The following DHRS7B variants were observed in gnomAD, a reference collection of about 807,000 sequenced individuals.
The protein encoded by DHRS7B is peroxisomal reductase activating PPAR-gamma.
DHRS7B carries 24 observed loss-of-function variants against 26.4 expected under a neutral mutation model. That is an observed-to-expected ratio of 0.91 (90% CI 0.66 to 1.28). The LOEUF (loss-of-function observed/expected upper bound fraction) is 1.28, where lower values mean the gene tolerates loss of function less well. Among genes scored for constraint, DHRS7B ranks in the 50% most tolerant of loss-of-function variants. The probability of loss-of-function intolerance (pLI) is 0.00; values close to 1 mark genes in which losing one functional copy is unlikely to be tolerated. For synonymous variants in DHRS7B, 142 were observed against 166.4 expected, an observed-to-expected ratio of 0.85 and a Z score of 1.13; for missense variants, 368 against 419.4, an observed-to-expected ratio of 0.88 and a Z score of 1.07.
At chr17:21,130,462 G>A (rs897421622) in intron 1 of DHRS7B, among the ~76,000 whole-genome samples, 1 of 152,088 alleles carries the variant, frequency 6.6e-6, no homozygotes, top group Non-Finnish European at 1.5e-5. Context: ...GGGGTTCCAG[G>A]CCCTTCAGAA....
chr17:21,164,300 G>T (rs1394203125), intron 1 of DHRS7B, among the ~76,000 whole-genome samples: 7 of 152,034 alleles, frequency 4.6e-5, no homozygotes. Flanking sequence ...TGAGTAGCTG[G>T]GGATTACAGG....
At chr17:21,182,207 C>T (rs973394676) in intron 3 of DHRS7B, among the ~76,000 whole-genome samples, 8 of 151,978 alleles carry the variant, frequency 5.3e-5, no homozygotes, top group African/African-American at 1.4e-4. Flanking sequence ...GTTTTTCCCT[C>T]GTTCTATTAA....
chr17:21,142,608 A>AT (rs1450361732), intron 1 of DHRS7B, among the ~76,000 whole-genome samples: 2 of 152,176 alleles, frequency 1.3e-5, no homozygotes, highest in African/African-American at 4.8e-5. Flanking sequence ...ATCAATCAGT[A>AT]TATGTAAGAA....
chr17:21,167,019 A>G (rs79025534), intron 1 of DHRS7B, among the ~76,000 whole-genome samples: 3,367 of 152,286 alleles, frequency 0.022, 118 homozygotes, highest in African/African-American at 0.077. Context: ...CTTTAAAAAA[A>G]AAAATGCTCG....
intron 1 of DHRS7B, among the ~76,000 whole-genome samples, chr17:21,147,068 G>GT (rs1973657663): frequency 6.6e-6 from 1 of 152,136 alleles, no homozygotes; most frequent in Non-Finnish European, 1.5e-5. Context: ...TGTGATTAGG[G>GT]TTTTTTGTCT....
At chr17:21,156,351 A>C (rs1382977336) in intron 1 of DHRS7B, among the ~76,000 whole-genome samples, 1 of 152,178 alleles carries the variant, frequency 6.6e-6, no homozygotes, top group Non-Finnish European at 1.5e-5. Context: ...CACGCCTGTA[A>C]TCCTAGCACT....
At chr17:21,152,940 G>C (rs545454408) in intron 1 of DHRS7B, among the ~76,000 whole-genome samples, 1 of 152,016 alleles carries the variant, frequency 6.6e-6, no homozygotes. Flanking sequence ...TTACCACTAC[G>C]TTACTAAAGG....
chr17:21,190,924 T>A (rs1974763197), intron 6 of DHRS7B, 24 bp from the exon 7 acceptor site: 3 of 1,611,552 alleles, frequency 1.9e-6, no homozygotes, highest in Admixed American at 1.7e-5. Context: ...AGTTCATGTG[T>A]TTCTTTTGTT....
chr17:21,137,350 G>A (rs1417111919), intron 1 of DHRS7B, among the ~76,000 whole-genome samples: 7 of 146,158 alleles, frequency 4.8e-5, no homozygotes, highest in African/African-American at 1.8e-4. Flanking sequence ...AGGCTGGAGT[G>A]CAGTGGCACA....
rs35189205 is a variant in DHRS7B at position 21,164,030 on chromosome 17, C to CTTTTTTTTTTTTTTTTTTTTTTT, written c.21-7972_21-7971insTTTTTTTTTTTTTTTTTTTTTTT. ...AGTGCAGATATTGTCAATTGTTGTGCTTTTTTTTTTTTTTTTGAGACAGGG... is the reference window on the plus strand; with the variant it reads ...AGTGCAGATATTGTCAATTGTTGTGCTTTTTTTTTTTTTTTTTTTTTTTTTTTTTTTTTTTTTTTGAGACAGGG... On this transcript the variant is annotated intron_variant, in intron 1 of 6. Transcript: ENST00000395511. 2.0e-3 allele frequency among the ~76,000 whole-genome samples: 198 copies of CTTTTTTTTTTTTTTTTTTTTTTT among 96,922 alleles called. 47 individuals are homozygous for CTTTTTTTTTTTTTTTTTTTTTTT. Among genetic ancestry groups the CTTTTTTTTTTTTTTTTTTTTTTT allele is most frequent in the African/African-American group, 9.1e-3 (179 of 19,736 alleles). 63.6% of individuals were successfully genotyped at this position (96,922 alleles called of 152,430 possible).
At chr17:21,170,840 C>A (rs11655786) in intron 1 of DHRS7B, among the ~76,000 whole-genome samples, 28,111 of 142,170 alleles carry the variant, frequency 0.2, 2,830 homozygotes, top group East Asian at 0.28. Flanking sequence ...AGTTGATGTC[C>A]TCTTACGAAA....
intron 1 of DHRS7B, among the ~76,000 whole-genome samples, chr17:21,165,471 G>A (rs141083426): frequency 0.013 from 1,951 of 152,050 alleles, 21 homozygotes; most frequent in Non-Finnish European, 0.02. Context: ...GACTACAGGC[G>A]CGTGCCACCA....
chr17:21,182,582 C>T (rs914604857), intron 3 of DHRS7B, among the ~76,000 whole-genome samples: 11 of 151,582 alleles, frequency 7.3e-5, no homozygotes, highest in East Asian at 2.0e-4. Flanking sequence ...GAGACAGGGT[C>T]TCGCCATGTT....
At chr17:21,130,716 T>A (rs971747748) in intron 1 of DHRS7B, among the ~76,000 whole-genome samples, 8 of 152,028 alleles carry the variant, frequency 5.3e-5, no homozygotes, top group African/African-American at 1.9e-4. Context: ...AAAAAAAAAA[T>A]TTACTTACAG....
At chr17:21,152,634 A>G (rs1397508751) in intron 1 of DHRS7B, among the ~76,000 whole-genome samples, 3 of 152,242 alleles carry the variant, frequency 2.0e-5, no homozygotes, top group African/African-American at 4.8e-5. Context: ...GGGAGGGGAA[A>G]AAAAATCATC....
At chr17:21,188,323 G>A (rs1052666148) in intron 5 of DHRS7B, among the ~76,000 whole-genome samples, 1 of 152,008 alleles carries the variant, frequency 6.6e-6, no homozygotes, top group African/African-American at 2.4e-5. Context: ...AACTATATGT[G>A]TATATAATTT....
intron 1 of DHRS7B, among the ~76,000 whole-genome samples, chr17:21,145,338 A>C (rs1240020209): frequency 6.6e-6 from 1 of 152,156 alleles, no homozygotes; most frequent in Non-Finnish European, 1.5e-5. Context: ...AAAAAAAGAA[A>C]ATCAACCTGT....
intron 1 of DHRS7B, among the ~76,000 whole-genome samples, chr17:21,145,305 CAG>C: frequency 6.6e-6 from 1 of 151,406 alleles, no homozygotes; most frequent in Middle Eastern, 3.4e-3. Flanking sequence ...GCCTGGGCGA[CAG>C]AGCGAGACGC....
intron 1 of DHRS7B, among the ~76,000 whole-genome samples, chr17:21,154,009 G>C (rs898342507): frequency 3.3e-5 from 5 of 152,032 alleles, no homozygotes; most frequent in South Asian, 2.1e-4. Flanking sequence ...GAGGAGGAGA[G>C]ATAAGAATTA....
Sources: gnomAD v4.1 joint callset for allele counts (sites outside exome capture counted in the v4.1 genomes callset) on GRCh38, gnomAD v4.1.1 for gene constraint, MANE v1.5 for transcripts, NCBI Gene and HGNC (gene_info 2026-07-23, HGNC 2026-07-21) for gene names.